The following NAA11 variants were observed in gnomAD, a reference collection of about 807,000 sequenced individuals.
NAA11 encodes the protein N-alpha-acetyltransferase 11.
A neutral mutation model predicts 16.1 loss-of-function variants in NAA11; 15 were observed. The ratio of observed to expected loss-of-function variants is 0.93; its 90% CI spans 0.62 to 1.44. The LOEUF (loss-of-function observed/expected upper bound fraction) is 1.44, where lower values mean the gene tolerates loss of function less well. NAA11 is among the 40% of genes most tolerant of loss of function. The pLI is 0.00. For missense variants in NAA11, 298 were observed against 291.3 expected (o/e 1.02, Z -0.17); for synonymous variants, 122 against 112.4 (o/e 1.09, Z -0.54).
rs143866058 is a variant in NAA11, at chr4:79,246,459, G to T, written c.*123-20189C>A. On this transcript the variant is annotated intron_variant and NMD_transcript_variant, in intron 2 of 2. Coordinates refer to the NAA11 transcript ENST00000511542. The stretch of plus-strand genomic sequence containing the variant: ...GAAATACTCCAAATATTAATTTAAA[G>T]AATCCTTTAAAATGCAATTAAGTAT... Among the ~76,000 whole-genome samples the T allele has an allele frequency of 2.6e-3, 382 of 148,400 alleles. 3 individuals are homozygous for T. The highest frequency in any genetic ancestry group is 8.9e-3 in the African/African-American group (355 of 39,994).
downstream of NAA11, among the ~76,000 whole-genome samples, chr4:79,224,697 AG>A (rs1721272885): frequency 2.0e-5 from 3 of 152,104 alleles, no homozygotes; most frequent in African/African-American, 7.2e-5. Flanking sequence ...GATTGTGGTG[AG>A]TCTGAGCAAT....
At chr4:79,225,867 TC>T (rs1455178596) in exon 3 of NAA11, 1 of 152,066 alleles carries the variant, frequency 6.6e-6, no homozygotes, top group Non-Finnish European at 1.5e-5. Flanking sequence ...GGCAAACTGG[TC>T]AATTGTCAAT....
intron 2 of NAA11, among the ~76,000 whole-genome samples, chr4:79,249,008 C>G (rs1721924560): frequency 1.3e-5 from 2 of 152,204 alleles, no homozygotes; most frequent in Non-Finnish European, 2.9e-5. Context: ...CCCAGTGCAG[C>G]AGGTTCCTAA....
chr4:79,168,233 G>A, the NAA11 span, among the ~76,000 whole-genome samples: 4 of 152,102 alleles, frequency 2.6e-5, no homozygotes, highest in Admixed American at 6.5e-5. Flanking sequence ...GTATTCTGTG[G>A]TGCATATGTG....
rs1315836004 is a variant in NAA11 at position 79,317,015 on chromosome 4, A to C, written c.*789T>G. The C allele has an allele frequency of 6.6e-6, 1 of 152,174 alleles. No individual in the cohort carries two copies. Among genetic ancestry groups the C allele is most frequent in the East Asian group, 1.9e-4 (1 of 5,198 alleles). The allele number at this position is 152,174 out of a possible 1,614,324, so 9.4% of individuals were successfully genotyped here. A position where few individuals can be genotyped will look rare whatever the true frequency, so the allele number is the denominator to read the frequency against. ...ACTTTACAGGGTTGCTGAGAGGGTT[A>C]AATATGTAACTAATGAAGGCTCCAG... On this transcript the variant is annotated 3_prime_UTR_variant, in exon 2 of 2. Coordinates refer to ENST00000286794, the MANE Select transcript of NAA11 (RefSeq NM_032693.3).
At chr4:79,261,576 G>A (rs891771534) in intron 2 of NAA11, among the ~76,000 whole-genome samples, 2 of 152,178 alleles carry the variant, frequency 1.3e-5, no homozygotes, top group African/African-American at 4.8e-5. Context: ...TAAAACCTAT[G>A]TACATGGATC....
chr4:79,269,829 G>C (rs1241790369), intron 2 of NAA11, among the ~76,000 whole-genome samples: 1 of 146,600 alleles, frequency 6.8e-6, no homozygotes, highest in African/African-American at 2.5e-5. Context: ...GGTTTTTATG[G>C]TTTTAGGTCT....
chr4:79,212,385 C>T, the NAA11 span, among the ~76,000 whole-genome samples: 3 of 152,002 alleles, frequency 2.0e-5, no homozygotes, highest in Non-Finnish European at 2.9e-5. Context: ...GCTTGAATTA[C>T]GTAGCCTAGT....
At chr4:79,198,486 T>C in the NAA11 span, among the ~76,000 whole-genome samples, 2 of 151,934 alleles carry the variant, frequency 1.3e-5, no homozygotes, top group Non-Finnish European at 2.9e-5. Flanking sequence ...TCATGAGTGG[T>C]GCTTATGAGA....
At chr4:79,228,395 C>T (rs1410957503) in intron 2 of NAA11, among the ~76,000 whole-genome samples, 3 of 151,980 alleles carry the variant, frequency 2.0e-5, no homozygotes, top group African/African-American at 7.2e-5. Flanking sequence ...GTGCACAGTT[C>T]TATTTGTTTT....
At chr4:79,239,310 C>T (rs567526405) in intron 2 of NAA11, among the ~76,000 whole-genome samples, 2 of 152,182 alleles carry the variant, frequency 1.3e-5, no homozygotes, top group East Asian at 1.9e-4. Context: ...TAAAGATATA[C>T]ATTAATTTAT....
chr4:79,156,327 G>GTATA, the NAA11 span, among the ~76,000 whole-genome samples: 2,420 of 60,286 alleles, frequency 0.04, 61 homozygotes, highest in African/African-American at 0.086. Flanking sequence ...GTGTGTGTGT[G>GTATA]TGTATATATA....
At chr4:79,179,674 A>G in the NAA11 span, among the ~76,000 whole-genome samples, 4 of 152,212 alleles carry the variant, frequency 2.6e-5, no homozygotes, top group African/African-American at 9.6e-5. Flanking sequence ...GTATAAGGAA[A>G]TATTTCTTTG....
At chr4:79,240,100 T>C (rs1460005586) in intron 2 of NAA11, among the ~76,000 whole-genome samples, 2 of 152,234 alleles carry the variant, frequency 1.3e-5, no homozygotes, top group Admixed American at 6.5e-5. Flanking sequence ...ATATTTTTGA[T>C]ACAGATTTAC....
the NAA11 span, among the ~76,000 whole-genome samples, chr4:79,188,495 G>C: frequency 6.6e-6 from 1 of 151,800 alleles, no homozygotes; most frequent in Non-Finnish European, 1.5e-5. Flanking sequence ...TGAGGCAGGA[G>C]AATGGCGTGA....
At chr4:79,170,142 C>T in the NAA11 span, among the ~76,000 whole-genome samples, 2 of 152,156 alleles carry the variant, frequency 1.3e-5, no homozygotes, top group African/African-American at 4.8e-5. Flanking sequence ...TACATTCCAC[C>T]TAGGGCCAGC....
the NAA11 span, among the ~76,000 whole-genome samples, chr4:79,182,885 T>C: frequency 6.6e-6 from 1 of 152,170 alleles, no homozygotes; most frequent in Non-Finnish European, 1.5e-5. Flanking sequence ...TAATCAATCA[T>C]TTAACAATTA....
At chr4:79,240,015 G>A (rs1721655183) in intron 2 of NAA11, among the ~76,000 whole-genome samples, 1 of 152,106 alleles carries the variant, frequency 6.6e-6, no homozygotes, top group Non-Finnish European at 1.5e-5. Flanking sequence ...GAGAGTACCA[G>A]GAAATGGTGT....
intron 2 of NAA11, among the ~76,000 whole-genome samples, chr4:79,251,620 C>T (rs1050436941): frequency 6.1e-5 from 8 of 131,096 alleles, no homozygotes; most frequent in Admixed American, 4.1e-4. Context: ...ACCCCTGAAC[C>T]TAAAATAAAA....
Sources: allele counts gnomAD v4.1 joint callset (sites outside exome capture counted in the v4.1 genomes callset), GRCh38; gene constraint gnomAD v4.1.1; transcripts MANE v1.5; gene names NCBI Gene and HGNC (gene_info 2026-07-23, HGNC 2026-07-21).